SLC22A3: variants seen among roughly 807,000 people sequenced by gnomAD.
SLC22A3 encodes the protein solute carrier family 22 member 3, also known as EMT organic cation transporter 3.
A neutral mutation model predicts 59.1 loss-of-function variants in SLC22A3; 51 were observed. The ratio of observed to expected loss-of-function variants is 0.86; its 90% CI spans 0.69 to 1.09. The LOEUF (loss-of-function observed/expected upper bound fraction) is 1.09. Among genes scored for constraint, SLC22A3 ranks in the 50% least tolerant of loss-of-function variants. The pLI is 0.00. For missense variants in SLC22A3, 711 were observed against 726.3 expected, an observed-to-expected ratio of 0.98 and a Z score of 0.24; for synonymous variants, 325 against 292.0, an observed-to-expected ratio of 1.11 and a Z score of -1.15.
In SLC22A3 at chr6:160,398,021, C is replaced by G. The variant is rs756446361; in HGVS notation, c.472C>G (p.Gln158Glu). 1.2e-6 allele frequency: 2 copies of G among 1,613,786 alleles called. No individual in the cohort carries two copies. The highest frequency in any genetic ancestry group is 1.1e-5 in the South Asian group (1 of 91,074). ...CVNAWMLDLT[Q>E]AILNLGFLTG... ...CAATGCGTGGATGCTGGACCTCACC[C>G]AAGCCATCCTGAACCTCGGCTTCCT... Residue 158 changes from glutamine to glutamate, a missense_variant, in exon 2 of 11, where the codon CAA becomes GAA. Coordinates refer to ENST00000275300, the MANE Select transcript of SLC22A3 (RefSeq NM_021977.4).
chr6:160,404,408 G>A (rs568095723), intron 2 of SLC22A3, among the ~76,000 whole-genome samples: 2 of 152,128 alleles, frequency 1.3e-5, no homozygotes, highest in South Asian at 4.2e-4. Context: ...TTTATGTGAG[G>A]AAAAGTGCAA....
chr6:160,407,155 T>C lies in SLC22A3; in HGVS notation c.648T>C (p.Gly216=). Residue 216 remains glycine (G), a synonymous_variant, in exon 3 of 11, where the codon GGT becomes GGC. Transcript: ENST00000275300. ...TTGTGATCTTCCGCTTCCTGCAAGG[T>C]GTATTTGGAAAGGGGACGTGGATGA... ...PVFVIFRFLQ[G]VFGKGTWMTC... 1 of 1,612,122 alleles carries C rather than the reference T, an allele frequency of 6.2e-7. No homozygotes were observed. Among genetic ancestry groups the C allele is most frequent in the Non-Finnish European group, 8.5e-7 (1 of 1,178,990 alleles).
intron 2 of SLC22A3, among the ~76,000 whole-genome samples, chr6:160,400,655 A>AACACAC (rs55746106): frequency 6.7e-6 from 1 of 149,268 alleles, no homozygotes; most frequent in Non-Finnish European, 1.5e-5. Flanking sequence ...TAAAAGCCAA[A>AACACAC]ACACACACAC....
At chr6:160,446,127 G>A (rs9355288) in intron 9 of SLC22A3, among the ~76,000 whole-genome samples, 43,733 of 152,158 alleles carry the variant, frequency 0.29, 7,755 homozygotes, top group East Asian at 0.46. Context: ...TGAGAAGCCC[G>A]AGGCAGGAGG....
chr6:160,397,944 G>C (rs933804388), intron 1 of SLC22A3, 35 bp from the exon 2 acceptor site: 1 of 1,467,396 alleles, frequency 6.8e-7, no homozygotes, highest in African/African-American at 1.4e-5. Context: ...CTGCATTCTG[G>C]CATGTCTCCA....
chr6:160,398,308 C>T (rs772141890), intron 2 of SLC22A3, among the ~76,000 whole-genome samples: 12 of 152,154 alleles, frequency 7.9e-5, no homozygotes, highest in Admixed American at 2.0e-4. Context: ...AGGCTGTTCC[C>T]GGTAGGACTG....
intron 5 of SLC22A3, among the ~76,000 whole-genome samples, chr6:160,417,659 T>C (rs1419335430): frequency 6.6e-6 from 1 of 152,242 alleles, no homozygotes; most frequent in Non-Finnish European, 1.5e-5. Context: ...GGCAATGATA[T>C]TGCTTTGGCC....
At position 160,432,590 on chromosome 6, in the gene SLC22A3, G is replaced by A. The variant is rs533253732; in HGVS notation, c.976-4190G>A. ...TTACAGATGCCCACCACCAAGCCCAGATATTTTTTGTATTTTTAGTAGAGA... is the reference window on the plus strand; with the variant it reads ...TTACAGATGCCCACCACCAAGCCCAAATATTTTTTGTATTTTTAGTAGAGA... On this transcript the variant is annotated intron_variant, in intron 5 of 10. Coordinates refer to ENST00000275300, the MANE Select transcript of SLC22A3 (RefSeq NM_021977.4). 2.6e-5 allele frequency among the ~76,000 whole-genome samples: 4 copies of A among 152,092 alleles called. No individual in the cohort carries two copies. In the South Asian group the frequency reaches 8.3e-4, roughly 32 times the overall value.
rs116126984 is a variant in SLC22A3 at position 160,366,354 on chromosome 6, G to A, written c.429+17506G>A. Among the ~76,000 whole-genome samples the A allele has an allele frequency of 7.8e-3, 1,184 of 152,248 alleles. 17 individuals carry two copies. The highest frequency in any genetic ancestry group is 0.027 in the African/African-American group (1,127 of 41,522). On this transcript the variant is annotated intron_variant, in intron 1 of 10. Coordinates refer to ENST00000275300, the MANE Select transcript of SLC22A3 (RefSeq NM_021977.4). ...ATGGGAAAAATTGGCCAAAATAAAG[G>A]TGCTACAAGCCACATCCAGGTTACA...
chr6:160,439,675 T>C (rs983318511), intron 7 of SLC22A3, among the ~76,000 whole-genome samples: 1 of 152,244 alleles, frequency 6.6e-6, no homozygotes, highest in African/African-American at 2.4e-5. Flanking sequence ...ATTTCCTGAT[T>C]GAAGCTTTAG....
intron 5 of SLC22A3, among the ~76,000 whole-genome samples, chr6:160,433,717 T>C (rs1378161373): frequency 6.6e-6 from 1 of 152,082 alleles, no homozygotes; most frequent in Non-Finnish European, 1.5e-5. Flanking sequence ...AAAAAAAATT[T>C]TTTTAAATTT....
intron 1 of SLC22A3, among the ~76,000 whole-genome samples, chr6:160,363,143 A>G (rs753974809): frequency 1.2e-4 from 18 of 152,354 alleles, no homozygotes; most frequent in South Asian, 6.2e-4. Flanking sequence ...GCCAGGTGGA[A>G]GGTCCGAGAA....
chr6:160,382,772 C>G (rs765129075), intron 1 of SLC22A3, among the ~76,000 whole-genome samples: 4 of 152,006 alleles, frequency 2.6e-5, no homozygotes, highest in Non-Finnish European at 5.9e-5. Flanking sequence ...TAGATATGCT[C>G]AACCAAAGGG....
chr6:160,393,350 A>G (rs994887838), intron 1 of SLC22A3, among the ~76,000 whole-genome samples: 1 of 151,884 alleles, frequency 6.6e-6, no homozygotes, highest in Non-Finnish European at 1.5e-5. Flanking sequence ...CAGGTTTGTT[A>G]CATATGTATA....
chr6:160,443,646 C>T lies in SLC22A3; in HGVS notation c.1414C>T (p.Leu472Phe). ...PTTLRNFGVS[L>F]CSGLCDFGGI... is the part of the protein sequence containing the mutation. ...ATTCAACAGAAATTTCGGAGTTTCGCTCTGTTCAGGTCTGTGTGATTTTGG... is the reference window on the plus strand; with the variant it reads ...ATTCAACAGAAATTTCGGAGTTTCGTTCTGTTCAGGTCTGTGTGATTTTGG... The change falls in exon 9 of 11, where the codon CTC becomes TTC. Residue 472 changes from leucine to phenylalanine, a missense_variant. Coordinates refer to ENST00000275300, the MANE Select transcript of SLC22A3 (RefSeq NM_021977.4). 6.2e-7 allele frequency: 1 copy of T among 1,613,648 alleles called. No individual in the cohort carries two copies. The highest frequency in any genetic ancestry group is 8.5e-7 in the Non-Finnish European group (1 of 1,179,640).
chr6:160,383,484 A>G (rs1785873009), intron 1 of SLC22A3, among the ~76,000 whole-genome samples: 1 of 152,062 alleles, frequency 6.6e-6, no homozygotes, highest in South Asian at 2.1e-4. Flanking sequence ...TATTTCCCTC[A>G]ATGAAAACTC....
intron 5 of SLC22A3, among the ~76,000 whole-genome samples, chr6:160,420,973 CCTCAT>C (rs1258155751): frequency 6.6e-6 from 1 of 152,212 alleles, no homozygotes; most frequent in Non-Finnish European, 1.5e-5. Flanking sequence ...CTCCGCAGAG[CCTCAT>C]GTCTACCTGG....
intron 1 of SLC22A3, among the ~76,000 whole-genome samples, chr6:160,382,391 G>A (rs907809619): frequency 2.6e-5 from 4 of 152,172 alleles, no homozygotes; most frequent in African/African-American, 9.7e-5. Flanking sequence ...GCAAACATAA[G>A]GGAGACTTCA....
At chr6:160,362,780 G>A (rs1785061614) in intron 1 of SLC22A3, among the ~76,000 whole-genome samples, 1 of 152,224 alleles carries the variant, frequency 6.6e-6, no homozygotes, top group African/African-American at 2.4e-5. Context: ...GGACCCAGGC[G>A]GCACCAGCGC....
Sources: allele counts gnomAD v4.1 joint callset (sites outside exome capture counted in the v4.1 genomes callset), GRCh38; gene constraint gnomAD v4.1.1; transcripts MANE v1.5; gene names NCBI Gene and HGNC (gene_info 2026-07-23, HGNC 2026-07-21).